The following RCAN1 variants were observed in gnomAD, a reference collection of about 807,000 sequenced individuals.
RCAN1 encodes the protein calcipressin-1.
In RCAN1, 11 loss-of-function variants were observed where a neutral mutation model predicts 22.9. The observed-to-expected ratio is 0.48, with a 90% CI of 0.30 to 0.79. RCAN1 has a LOEUF of 0.79. RCAN1 is among the 30% of genes least tolerant of loss of function. RCAN1 has a pLI of 0.06. For missense variants in RCAN1, 291 were observed against 337.8 expected, an observed-to-expected ratio of 0.86 and a Z score of 1.09; for synonymous variants, 136 against 142.3, an observed-to-expected ratio of 0.96 and a Z score of 0.32.
chr21:34,527,979 C>T (rs1235677065), intron 1 of RCAN1, among the ~76,000 whole-genome samples: 1 of 152,116 alleles, frequency 6.6e-6, no homozygotes, highest in Non-Finnish European at 1.5e-5. Flanking sequence ...GACTCTAGTT[C>T]TTTCAAAAGG....
chr21:34,536,671 G>A (rs977897298), intron 1 of RCAN1, among the ~76,000 whole-genome samples: 1 of 152,058 alleles, frequency 6.6e-6, no homozygotes, highest in African/African-American at 2.4e-5. Context: ...ACACCACGCC[G>A]GCACCTGGTG....
At chr21:34,590,725 T>G (rs1304203430) in intron 1 of RCAN1, among the ~76,000 whole-genome samples, 1 of 152,240 alleles carries the variant, frequency 6.6e-6, no homozygotes, top group Non-Finnish European at 1.5e-5. Context: ...GTCAGATCCT[T>G]GATGGCCCCT....
chr21:34,557,422 T>A (rs778127210), intron 1 of RCAN1, among the ~76,000 whole-genome samples: 8 of 152,164 alleles, frequency 5.3e-5, no homozygotes, highest in Non-Finnish European at 1.0e-4. Flanking sequence ...ATGTTTCTGT[T>A]CCATCTATGG....
chr21:34,542,663 T>C (rs1985966191), intron 1 of RCAN1, among the ~76,000 whole-genome samples: 1 of 152,200 alleles, frequency 6.6e-6, no homozygotes, highest in South Asian at 2.1e-4. Context: ...CCATTACGTT[T>C]TGGGTGGCTT....
chr21:34,518,363 T>A lies in RCAN1; in HGVS notation c.587-107A>T. On this transcript the variant is annotated intron_variant, in intron 3 of 3. Transcript: ENST00000313806. The surrounding 1 kb of genome is among the most constrained non-coding windows in gnomAD (Gnocchi z 4.2). Reference sequence around the variant, plus strand: ...CTGCTGGGCCAGCTGCTCGTGACCATTCGATTGGGCTGAGAGACACAGCCA... The same window carrying A: ...CTGCTGGGCCAGCTGCTCGTGACCAATCGATTGGGCTGAGAGACACAGCCA... 8.3e-7 allele frequency: 1 copy of A among 1,202,194 alleles called. No individual in the cohort carries two copies. Among genetic ancestry groups the A allele is most frequent in the East Asian group, 2.5e-5 (1 of 40,262 alleles). 74.5% of individuals were successfully genotyped at this position (1,202,194 alleles called of 1,614,324 possible).
At position 34,518,183 on chromosome 21, in the gene RCAN1, T is replaced by C. The variant is rs1158384576; in HGVS notation, c.660A>G (p.Gln220=). ...SVVVHVCESD[Q]EKEEEEEMER... ...CCATTTCCTCTTCTTCCTCCTTCTCTTGATCACTCTCACATACATGGACCA... is the reference window on the plus strand; with the variant it reads ...CCATTTCCTCTTCTTCCTCCTTCTCCTGATCACTCTCACATACATGGACCA... Residue 220 remains glutamine, a synonymous_variant, in exon 4 of 4, where the codon CAA becomes CAG. Coordinates refer to ENST00000313806, the MANE Select transcript of RCAN1 (RefSeq NM_004414.7). The surrounding 1 kb of genome is among the most constrained non-coding windows in gnomAD (Gnocchi z 4.2). 1 of 1,614,250 alleles carries C rather than the reference T, an allele frequency of 6.2e-7. No individual in the cohort carries two copies. Among genetic ancestry groups the C allele is most frequent in the South Asian group, 1.1e-5 (1 of 91,088 alleles).
chr21:34,518,204 G>A lies in RCAN1; in HGVS notation c.639C>T (p.Val213=), dbSNP rs1441791133. ...AATDTTPSVV[V]HVCESDQEKE... ...TCTCTTGATCACTCTCACATACATG[G>A]ACCACCACGCTGGGAGTGGTGTCAG... The change falls in exon 4 of 4, where the codon GTC becomes GTT. Residue 213 remains valine (V), a synonymous_variant. Coordinates refer to ENST00000313806, the MANE Select transcript of RCAN1 (RefSeq NM_004414.7). The surrounding 1 kb of genome is among the most constrained non-coding windows in gnomAD (Gnocchi z 4.2). 1.3e-5 allele frequency: 21 copies of A among 1,614,046 alleles called. No homozygotes were observed. Among genetic ancestry groups the A allele is most frequent in the Non-Finnish European group, 1.8e-5 (21 of 1,180,012 alleles).
chr21:34,519,084 G>T (rs1225127121), intron 3 of RCAN1, among the ~76,000 whole-genome samples: 1 of 152,174 alleles, frequency 6.6e-6, no homozygotes, highest in Non-Finnish European at 1.5e-5. Context: ...GCTTCCCTGT[G>T]CACCTCAGTT....
chr21:34,535,911 A>T lies in RCAN1; in HGVS notation c.253-12201T>A, dbSNP rs138877396. On this transcript the variant is annotated intron_variant, in intron 1 of 3. Transcript: ENST00000313806. Reference sequence around the variant, plus strand: ...AAAATCCAAGTATAAAGAAAAAAAAAAGAATAAAAAAGAAAAGAGAAAAAT... The same window carrying T: ...AAAATCCAAGTATAAAGAAAAAAAATAGAATAAAAAAGAAAAGAGAAAAAT... Among the ~76,000 whole-genome samples, 3 of 152,172 alleles carry T rather than the reference A, an allele frequency of 2.0e-5. No individual in the cohort carries two copies. In the East Asian group the frequency reaches 5.8e-4, roughly 29 times the overall value.
At chr21:34,575,742 A>G (rs922352056) in intron 1 of RCAN1, among the ~76,000 whole-genome samples, 3 of 152,190 alleles carry the variant, frequency 2.0e-5, no homozygotes, top group Non-Finnish European at 4.4e-5. Context: ...GGACTTCCTA[A>G]GCGCAGTTCC....
At chr21:34,519,397 C>CTTTTTTTT (rs34152667) in intron 3 of RCAN1, among the ~76,000 whole-genome samples, 67 of 102,758 alleles carry the variant, frequency 6.5e-4, no homozygotes, top group African/African-American at 8.2e-4. Flanking sequence ...TTCTTTCTTT[C>CTTTTTTTT]TTTTTTTTTT....
In RCAN1 at chr21:34,615,034, G is replaced by A; in HGVS notation, c.-23C>T. 9.6e-7 allele frequency: 1 copy of A among 1,036,340 alleles called. No homozygotes were observed. The highest frequency in any genetic ancestry group is 1.2e-6 in the Non-Finnish European group (1 of 865,702). 64.2% of individuals were successfully genotyped at this position (1,036,340 alleles called of 1,614,324 possible). A position where few individuals can be genotyped will look rare whatever the true frequency, so the allele number is the denominator to read the frequency against. On this transcript the variant is annotated 5_prime_UTR_variant, in exon 1 of 4. Transcript: ENST00000313806. ...CATCCCCGCGCCCGCGCGACCCTGT[G>A]CGCCCCAGCGGGCTGCTCCGGGCTT... is the stretch of plus-strand genomic sequence containing the variant.
At chr21:34,560,930 A>G (rs563368313) in intron 1 of RCAN1, among the ~76,000 whole-genome samples, 2 of 152,302 alleles carry the variant, frequency 1.3e-5, no homozygotes, top group East Asian at 3.9e-4. Context: ...TCTCACCATG[A>G]ATTGTAATCT....
chr21:34,600,658 T>G (rs186290859), intron 1 of RCAN1, among the ~76,000 whole-genome samples: 17 of 152,352 alleles, frequency 1.1e-4, no homozygotes, highest in African/African-American at 3.8e-4. Flanking sequence ...TAATGATTTT[T>G]ATGCTTTATA....
Position 34,614,809 on chromosome 21 carries a change from G to A in RCAN1, c.203C>T (p.Thr68Ile). 1 of 1,488,488 alleles carries A rather than the reference G, an allele frequency of 6.7e-7. No individual in the cohort carries two copies. Among genetic ancestry groups the A allele is most frequent in the Admixed American group, 2.1e-5 (1 of 48,200 alleles). The allele number at this position is 1,488,488 out of a possible 1,614,324, so 92.2% of individuals were successfully genotyped here. A position where few individuals can be genotyped will look rare whatever the true frequency, so the allele number is the denominator to read the frequency against. The change falls in exon 1 of 4, where the codon ACC becomes ATC. Residue 68 changes from threonine (T) to isoleucine (I), a missense_variant. Coordinates refer to ENST00000313806, the MANE Select transcript of RCAN1 (RefSeq NM_004414.7). This position sits in a 1 kb window ranked among gnomAD's most constrained non-coding sequence, Gnocchi z 6.0. The stretch of plus-strand genomic sequence containing the variant: ...GCGCGGGTCCAGGTGACAGGCGATG[G>A]TGGCGCTGGGCAGGTCCTGCAGGTC... ...EVDLQDLPSATIACHLDPRVF... is the reference protein window; with the variant it reads ...EVDLQDLPSAIIACHLDPRVF...
chr21:34,569,030 A>G (rs1266637026), intron 1 of RCAN1, among the ~76,000 whole-genome samples: 1 of 152,188 alleles, frequency 6.6e-6, no homozygotes, highest in African/African-American at 2.4e-5. Flanking sequence ...ATTCACTACC[A>G]TGAGAAAAGC....
intron 1 of RCAN1, among the ~76,000 whole-genome samples, chr21:34,590,179 C>T (rs2123709850): frequency 6.6e-6 from 1 of 152,292 alleles, no homozygotes; most frequent in South Asian, 2.1e-4. Context: ...GTTTAAAAAT[C>T]ATATCCTCAG....
intron 1 of RCAN1, among the ~76,000 whole-genome samples, chr21:34,607,095 G>A (rs1399885526): frequency 1.3e-5 from 2 of 152,150 alleles, no homozygotes; most frequent in Non-Finnish European, 2.9e-5. Context: ...GGAATTTCAT[G>A]CGGCACCTGC....
chr21:34,540,255 G>C lies in RCAN1; in HGVS notation c.253-16545C>G, dbSNP rs1691699534. On this transcript the variant is annotated intron_variant, in intron 1 of 3. Coordinates refer to ENST00000313806, the MANE Select transcript of RCAN1 (RefSeq NM_004414.7). ...TCTGGAGATCAGTCTGCATCTCAAAGGAATGCATTGCTAAGGGGAAAATTC... is the reference window on the plus strand; with the variant it reads ...TCTGGAGATCAGTCTGCATCTCAAACGAATGCATTGCTAAGGGGAAAATTC... Among the ~76,000 whole-genome samples the C allele has an allele frequency of 2.6e-5, 4 of 152,200 alleles. No individual in the cohort carries two copies. In the South Asian group the frequency reaches 6.2e-4, roughly 24 times the overall value.
Sources: allele counts gnomAD v4.1 joint callset (sites outside exome capture counted in the v4.1 genomes callset), GRCh38; gene constraint gnomAD v4.1.1; non-coding constraint Gnocchi (gnomAD v3.1); transcripts MANE v1.5; gene names NCBI Gene and HGNC (gene_info 2026-07-23, HGNC 2026-07-21).